The following LUC7L variants were observed in gnomAD, a reference collection of about 807,000 sequenced individuals.
The protein encoded by LUC7L is LUC7 like.
Under a neutral mutation model 51.1 loss-of-function variants are expected in LUC7L, and 29 were observed. The observed-to-expected ratio is 0.57, with a 90% CI of 0.42 to 0.77. LUC7L has a LOEUF of 0.77. LUC7L is among the 30% of genes least tolerant of loss of function. The pLI, the probability that LUC7L is intolerant of heterozygous loss-of-function variation, is 0.00. For synonymous variants in LUC7L, 181 were observed against 180.7 expected (o/e 1.00, Z -0.01); for missense variants, 403 against 511.9 (o/e 0.79, Z 2.05).
At chr16:216,191 G>A (rs929486074) in intron 3 of LUC7L, among the ~76,000 whole-genome samples, 2 of 151,564 alleles carry the variant, frequency 1.3e-5, no homozygotes, top group African/African-American at 4.8e-5. Context: ...AATAGAGATG[G>A]GGGTTTCTCC....
intron 5 of LUC7L, among the ~76,000 whole-genome samples, chr16:205,650 C>T (rs1410969210): frequency 1.3e-5 from 2 of 152,180 alleles, no homozygotes; most frequent in African/African-American, 4.8e-5. Flanking sequence ...AGTGCAGTGG[C>T]GCAATCTCAG....
At position 198,535 on chromosome 16, in the gene LUC7L, G is replaced by C. The variant is rs1294580234; in HGVS notation, c.687+527C>G. Among the ~76,000 whole-genome samples, 3 of 152,072 alleles carry C rather than the reference G, an allele frequency of 2.0e-5. No individual in the cohort carries two copies. The East Asian group carries it at 5.8e-4, about 29-fold the overall frequency. ...CGAGCTGTATGTATTCTGGGAACAG[G>C]CTCTGCCATTTTCTTCCCTTAACGA... On this transcript the variant is annotated intron_variant, in intron 6 of 9. Transcript: ENST00000293872.
chr16:223,795 G>A lies in LUC7L; in HGVS notation c.157-3048C>T, dbSNP rs1235280709. Among the ~76,000 whole-genome samples, 9 of 151,504 alleles carry A rather than the reference G, an allele frequency of 5.9e-5. 1 individual carries two copies. Among genetic ancestry groups the A allele is most frequent in the Non-Finnish European group, 1.2e-4 (8 of 67,888 alleles). ...AGTAATCCTCCTGCCTCAGCCTCCC[G>A]AATAGCTGGGACTACAGGGGCACGC... On this transcript the variant is annotated intron_variant, in intron 2 of 9. Coordinates refer to ENST00000293872, the MANE Select transcript of LUC7L (RefSeq NM_201412.3).
At chr16:208,739 A>AG in intron 3 of LUC7L, 1 of 594,346 alleles carries the variant, frequency 1.7e-6, no homozygotes, top group Non-Finnish European at 2.1e-6. Context: ...TATCTAAAGT[A>AG]GCAGGAAAAA....
chr16:200,389 G>A lies in LUC7L; in HGVS notation c.511-1151C>T, dbSNP rs1387515140. Among the ~76,000 whole-genome samples the A allele has an allele frequency of 6.0e-5, 9 of 151,010 alleles. No homozygotes were observed. In the Admixed American group the frequency reaches 6.0e-4, roughly 10 times the overall value. On this transcript the variant is annotated intron_variant, in intron 5 of 9. Transcript: ENST00000293872. ...TAGTGAGCCAAGATCATGCCACTGG[G>A]CGAAAGAGCGAGACTCCGTCTCAAA...
At position 208,124 on chromosome 16, in the gene LUC7L, C is replaced by T. The variant is rs146479585; in HGVS notation, c.320G>A (p.Arg107Gln). The T allele has an allele frequency of 1.2e-5, 20 of 1,613,418 alleles. No homozygotes were observed. Among genetic ancestry groups the T allele is most frequent in the African/African-American group, 6.7e-5 (5 of 74,880 alleles). The change falls in exon 4 of 10, where the codon CGG becomes CAG. Residue 107 changes from arginine to glutamine, a missense_variant. Physicochemically the swap from Arg to Gln is conservative, Grantham distance 43. Coordinates refer to ENST00000293872, the MANE Select transcript of LUC7L (RefSeq NM_201412.3). The part of the protein sequence containing the change: ...CDRRTELAKK[R>Q]LAETQEEISA... ...GATTTCCTCCTGTGTTTCTGCCAGC[C>T]GCTTCTTGGCGAGCTCAGTTCTCCG...
intron 1 of LUC7L, chr16:228,484 T>A (rs560622577): frequency 1.6e-6 from 2 of 1,244,304 alleles, no homozygotes; most frequent in African/African-American, 3.2e-5. Context: ...AGCAACTCAA[T>A]ATACAAAGAA....
intron 5 of LUC7L, among the ~76,000 whole-genome samples, chr16:205,673 T>C (rs1243279237): frequency 6.6e-6 from 1 of 152,180 alleles, no homozygotes; most frequent in Non-Finnish European, 1.5e-5. Context: ...CACTGCAAGC[T>C]CCGCCTCCCG....
rs2050156126 is a variant in LUC7L at position 227,288 on chromosome 16, T to C, written c.110A>G (p.Lys37Arg). Reference protein sequence around the residue: ...RVKFTDDRVCKSHLLDCCPHD... With the variant: ...RVKFTDDRVCRSHLLDCCPHD... Reference sequence around the variant, plus strand: ...GGGGCAGCAGTCCAGAAGGTGACTCTTGCAGACACGGTCATCTGTAAACTT... The same window carrying C: ...GGGGCAGCAGTCCAGAAGGTGACTCCTGCAGACACGGTCATCTGTAAACTT... Residue 37 changes from lysine to arginine, a missense_variant, in exon 2 of 10, where the codon AAG becomes AGG. Lys to Arg is a conservative substitution (Grantham distance 26). This residue lies in a region of LUC7L where 182 missense variants were observed against 248.4 expected (regional missense o/e 0.73). Coordinates refer to ENST00000293872, the MANE Select transcript of LUC7L (RefSeq NM_201412.3). 17 of 1,613,038 alleles carry C rather than the reference T, an allele frequency of 1.1e-5. No homozygotes were observed. Among genetic ancestry groups the C allele is most frequent in the East Asian group, 2.2e-5 (1 of 44,884 alleles).
intron 5 of LUC7L, among the ~76,000 whole-genome samples, chr16:204,408 A>G (rs1386611280): frequency 1.3e-5 from 2 of 152,088 alleles, no homozygotes. Flanking sequence ...CCTGGCTAAC[A>G]CAGTGAAACC....
At chr16:200,910 C>A (rs2049305125) in intron 5 of LUC7L, among the ~76,000 whole-genome samples, 1 of 151,850 alleles carries the variant, frequency 6.6e-6, no homozygotes, top group Non-Finnish European at 1.5e-5. Flanking sequence ...ATAGGCTGGG[C>A]ACAGTGGCTA....
intron 5 of LUC7L, among the ~76,000 whole-genome samples, chr16:204,288 GAA>G (rs771018903): frequency 2.0e-4 from 22 of 111,746 alleles, no homozygotes; most frequent in African/African-American, 3.6e-4. Context: ...TACTAGAAAT[GAA>G]AAAAAAAAAA....
chr16:204,202 G>A (rs1269885046), intron 5 of LUC7L, among the ~76,000 whole-genome samples: 1 of 151,984 alleles, frequency 6.6e-6, no homozygotes, highest in African/African-American at 2.4e-5. Flanking sequence ...CCAGCACTTT[G>A]GGAGGCCAAG....
chr16:195,459 T>A (rs2142044042), intron 6 of LUC7L, among the ~76,000 whole-genome samples: 1 of 152,000 alleles, frequency 6.6e-6, no homozygotes, highest in East Asian at 1.9e-4. Context: ...AAAAATCCTC[T>A]GTTGTCTAGG....
chr16:220,110 A>T (rs2049924917), intron 3 of LUC7L: 1 of 152,316 alleles, frequency 6.6e-6, no homozygotes, highest in Admixed American at 6.5e-5. Context: ...TATCTCCTAT[A>T]AACCAGCAAT....
At chr16:190,454 A>T in intron 8 of LUC7L, 87 bp downstream of exon 8, 1 of 1,400,692 alleles carries the variant, frequency 7.1e-7, no homozygotes, top group Non-Finnish European at 1.0e-6. Context: ...GCCAGGTAAC[A>T]TTTGTAAAGG....
chr16:195,831 G>C (rs1345519589), intron 6 of LUC7L, among the ~76,000 whole-genome samples: 1 of 152,112 alleles, frequency 6.6e-6, no homozygotes, highest in Non-Finnish European at 1.5e-5. Context: ...TGGGACTACT[G>C]TGAGTGAGGC....
intron 5 of LUC7L, among the ~76,000 whole-genome samples, chr16:203,698 AC>A (rs939261488): frequency 5.2e-4 from 57 of 110,356 alleles, no homozygotes; most frequent in African/African-American, 2.0e-3. Flanking sequence ...AGAAAGTGAG[AC>A]CGTCTCAGGG....
rs558756068 is a variant in LUC7L, at chr16:224,450, C to T, written c.156+2792G>A. Among the ~76,000 whole-genome samples, 17 of 151,220 alleles carry T rather than the reference C, an allele frequency of 1.1e-4. No individual in the cohort carries two copies. The South Asian group carries it at 3.4e-3, about 30-fold the overall frequency. On this transcript the variant is annotated intron_variant, in intron 2 of 9. Transcript: ENST00000293872. ...AGGAGAATTGCTTGAGCCCGGGAGG[C>T]GGAGCTTGCAGTGAGCTGAGATGGA... is the stretch of plus-strand genomic sequence containing the variant.
Sources: gnomAD v4.1 joint callset for allele counts (sites outside exome capture counted in the v4.1 genomes callset) on GRCh38, gnomAD v4.1.1 for gene constraint, gnomAD v4.1.1 regional missense constraint, MANE v1.5 for transcripts, NCBI Gene and HGNC (gene_info 2026-07-23, HGNC 2026-07-21) for gene names.